NF1: variants seen among roughly 807,000 people sequenced by gnomAD.
NF1 encodes the protein neurofibromin.
A neutral mutation model predicts 325.7 loss-of-function variants in NF1; 122 were observed. The observed-to-expected ratio is 0.37, with a 90% confidence interval of 0.32 to 0.44. NF1 has a LOEUF of 0.44. Among genes scored for constraint, NF1 ranks in the 20% least tolerant of loss-of-function variants. NF1 has a pLI of 1.00. For synonymous variants in NF1, 1,091 were observed against 1,186.0 expected, an observed-to-expected ratio of 0.92 and a Z score of 1.65; for missense variants, 2,140 against 3,415.4, an observed-to-expected ratio of 0.63 and a Z score of 9.31.
chr17:31,325,182 C>A (rs530818062), intron 36 of NF1, among the ~76,000 whole-genome samples: 113 of 152,282 alleles, frequency 7.4e-4, no homozygotes, highest in African/African-American at 2.6e-3. Context: ...TTATCTCATA[C>A]ACAAATGATA....
chr17:31,310,921 C>T (rs1287145191), intron 36 of NF1, among the ~76,000 whole-genome samples: 1 of 151,204 alleles, frequency 6.6e-6, no homozygotes, highest in Admixed American at 6.6e-5. Context: ...AGCAGGAGTC[C>T]CCGTGTATAA....
At chr17:31,125,270 G>A (rs1914781934) in intron 1 of NF1, among the ~76,000 whole-genome samples, 1 of 151,884 alleles carries the variant, frequency 6.6e-6, no homozygotes, top group Non-Finnish European at 1.5e-5. Context: ...ATTGTATGCA[G>A]TTCATTCAGT....
intron 8 of NF1, among the ~76,000 whole-genome samples, chr17:31,190,171 T>G (rs1403705999): frequency 2.0e-5 from 3 of 151,272 alleles, no homozygotes; most frequent in Admixed American, 6.6e-5. Context: ...CGGGGAGAAT[T>G]GCTTGAACCT....
intron 1 of NF1, among the ~76,000 whole-genome samples, chr17:31,125,804 A>G (rs774731349): frequency 2.0e-5 from 3 of 152,124 alleles, no homozygotes; most frequent in Non-Finnish European, 4.4e-5. Context: ...CTGAAGTGCT[A>G]GGATTACAGG....
intron 1 of NF1, among the ~76,000 whole-genome samples, chr17:31,116,162 T>C (rs1913890472): frequency 6.6e-6 from 1 of 152,212 alleles, no homozygotes; most frequent in South Asian, 2.1e-4. Context: ...ATGGGTTGTA[T>C]GGTTGAAAAC....
At chr17:31,279,736 G>C (rs1433220989) in intron 36 of NF1, among the ~76,000 whole-genome samples, 2 of 152,084 alleles carry the variant, frequency 1.3e-5, no homozygotes, top group East Asian at 3.8e-4. Flanking sequence ...TAAAATCTCA[G>C]CCTCTTCATT....
intron 36 of NF1, among the ~76,000 whole-genome samples, chr17:31,323,707 T>C (rs1246476338): frequency 6.6e-6 from 1 of 152,212 alleles, no homozygotes; most frequent in Non-Finnish European, 1.5e-5. Flanking sequence ...GTTACCTGTT[T>C]CTTTTCCTTT....
intron 39 of NF1, among the ~76,000 whole-genome samples, chr17:31,334,363 T>C (rs767419688): frequency 1.3e-5 from 2 of 152,032 alleles, no homozygotes; most frequent in South Asian, 2.1e-4. Context: ...ACTGCATGTA[T>C]AGCATAATCC....
intron 4 of NF1, among the ~76,000 whole-genome samples, chr17:31,164,560 A>G (rs2065815150): frequency 6.6e-6 from 1 of 152,268 alleles, no homozygotes; most frequent in African/African-American, 2.4e-5. Flanking sequence ...TGGTGCCTGC[A>G]TCTTTGGCTC....
rs1167599355 is a variant in NF1, at chr17:31,213,855, G to T, written c.1393-596G>T. 1.3e-5 allele frequency among the ~76,000 whole-genome samples: 2 copies of T among 152,100 alleles called. No individual in the cohort carries two copies. Among genetic ancestry groups the T allele is most frequent in the East Asian group, 3.8e-4 (2 of 5,200 alleles). On this transcript the variant is annotated intron_variant, in intron 12 of 57. Transcript: ENST00000358273. ...AAAAGCAAATTTTACAATTAAACTA[G>T]TAAATACAAAGATTGCCTACATGTT...
At chr17:31,166,150 C>A (rs1269300299) in intron 4 of NF1, among the ~76,000 whole-genome samples, 3 of 152,114 alleles carry the variant, frequency 2.0e-5, no homozygotes, top group Non-Finnish European at 2.9e-5. Context: ...TTCAGAATAT[C>A]TCATTTGATA....
intron 36 of NF1, chr17:31,305,506 G>T (rs755399921): frequency 6.2e-7 from 1 of 1,614,202 alleles, no homozygotes; most frequent in South Asian, 1.1e-5. Context: ...TGTGAATAAG[G>T]TAGGCTGTGA....
chr17:31,305,233 C>T, intron 36 of NF1: 1 of 1,614,126 alleles, frequency 6.2e-7, no homozygotes, highest in South Asian at 1.1e-5. Flanking sequence ...TGGTAGTTGT[C>T]TGGCAGAGGT....
chr17:31,256,665 A>G (rs543308952), intron 31 of NF1, among the ~76,000 whole-genome samples: 5 of 152,328 alleles, frequency 3.3e-5, no homozygotes, highest in African/African-American at 4.8e-5. Context: ...ACATCTTTCT[A>G]TAGTTTTAGC....
intron 2 of NF1, among the ~76,000 whole-genome samples, chr17:31,157,241 G>A (rs993897550): frequency 5.9e-5 from 9 of 151,994 alleles, no homozygotes; most frequent in African/African-American, 1.7e-4. Context: ...CGCCTGCCTC[G>A]GCCTCCCAAA....
intron 1 of NF1, among the ~76,000 whole-genome samples, chr17:31,118,599 G>A (rs1370168580): frequency 6.6e-6 from 1 of 152,070 alleles, no homozygotes; most frequent in Non-Finnish European, 1.5e-5. Flanking sequence ...CTTCATCCAT[G>A]TCCCTGCAAA....
intron 36 of NF1, among the ~76,000 whole-genome samples, chr17:31,277,291 T>C (rs1285904262): frequency 6.6e-6 from 1 of 152,194 alleles, no homozygotes; most frequent in Non-Finnish European, 1.5e-5. Context: ...TTAAGCCTGA[T>C]GTCTAACTTC....
At chr17:31,370,494 A>G (rs897485812) in intron 57 of NF1, among the ~76,000 whole-genome samples, 12 of 152,170 alleles carry the variant, frequency 7.9e-5, no homozygotes, top group African/African-American at 2.7e-4. Flanking sequence ...TCAACATTTA[A>G]CAGGAGATAA....
chr17:31,340,745 T>C, intron 47 of NF1, 100 bp downstream of exon 47: 1 of 1,246,118 alleles, frequency 8.0e-7, no homozygotes, highest in Non-Finnish European at 1.1e-6. Flanking sequence ...AGTCCATAAC[T>C]TAAGTAGGAA....
Sources: gnomAD v4.1 joint callset for allele counts (sites outside exome capture counted in the v4.1 genomes callset) on GRCh38, gnomAD v4.1.1 for gene constraint, MANE v1.5 for transcripts, NCBI Gene and HGNC (gene_info 2026-07-23, HGNC 2026-07-21) for gene names.